The following PARD3B variants were observed in gnomAD, a reference collection of about 807,000 sequenced individuals.
PARD3B encodes the protein par-3 family cell polarity regulator beta, also known as partitioning defective 3 homolog B.
A neutral mutation model predicts 130.2 loss-of-function variants in PARD3B; 103 were observed. That is an observed-to-expected ratio of 0.79 (90% CI 0.67 to 0.93). The LOEUF is 0.93. PARD3B is among the 40% of genes least tolerant of loss of function. The pLI is 0.00. For synonymous variants in PARD3B, 583 were observed against 553.2 expected, an observed-to-expected ratio of 1.05 and a Z score of -0.76; for missense variants, 1,609 against 1,499.2, an observed-to-expected ratio of 1.07 and a Z score of -1.21.
In PARD3B at chr2:205,446,517, C is replaced by G. The variant is rs2047912222; in HGVS notation, c.3044+5845C>G. On this transcript the variant is annotated intron_variant, in intron 20 of 22. Transcript: ENST00000406610. This position sits in a 1 kb window ranked among gnomAD's most constrained non-coding sequence, Gnocchi z 4.4. ...ACATACCCTATTTGTCCATATATCT[C>G]TGTCACATAGGAACAGATCGTGTGT... is the stretch of plus-strand genomic sequence containing the variant. 6.6e-6 allele frequency among the ~76,000 whole-genome samples: 1 copy of G among 152,076 alleles called. No individual in the cohort carries two copies. The highest frequency in any genetic ancestry group is 2.1e-4 in the South Asian group (1 of 4,826).
chr2:204,840,638 G>T (rs1298703714), intron 2 of PARD3B, among the ~76,000 whole-genome samples: 2 of 151,652 alleles, frequency 1.3e-5, no homozygotes, highest in African/African-American at 4.8e-5. Flanking sequence ...ATTGTATATT[G>T]TATGAGGCAA....
At chr2:205,174,826 T>C (rs1351581564) in intron 12 of PARD3B, among the ~76,000 whole-genome samples, 1 of 152,208 alleles carries the variant, frequency 6.6e-6, no homozygotes, top group Non-Finnish European at 1.5e-5. Context: ...GTAAACAGTT[T>C]TGATGAGGAC....
intron 21 of PARD3B, among the ~76,000 whole-genome samples, chr2:205,551,096 G>A (rs908687513): frequency 6.6e-6 from 1 of 151,046 alleles, no homozygotes; most frequent in East Asian, 2.0e-4. Context: ...TGCCAGGACA[G>A]TTCTGGATAA....
In PARD3B at chr2:205,268,569, G is replaced by A. The variant is rs753750031; in HGVS notation, c.2185+22747G>A. Among the ~76,000 whole-genome samples, 2 of 152,148 alleles carry A rather than the reference G, an allele frequency of 1.3e-5. No homozygotes were observed. The highest frequency in any genetic ancestry group is 6.6e-5 in the Admixed American group (1 of 15,262). On this transcript the variant is annotated intron_variant, in intron 16 of 22. Coordinates refer to ENST00000406610, the MANE Select transcript of PARD3B (RefSeq NM_001302769.2). The surrounding 1 kb of genome is among the most constrained non-coding windows in gnomAD (Gnocchi z 4.1). Reference sequence around the variant, plus strand: ...GTAGAAAAATCTGATTTGAAATCAGGTGGAAAGTGCTCTAATGCCACTAGT... The same window carrying A: ...GTAGAAAAATCTGATTTGAAATCAGATGGAAAGTGCTCTAATGCCACTAGT...
At chr2:205,190,383 G>A (rs1440034004) in intron 14 of PARD3B, among the ~76,000 whole-genome samples, 1 of 152,198 alleles carries the variant, frequency 6.6e-6, no homozygotes, top group Non-Finnish European at 1.5e-5. Context: ...CTCCCTGGAG[G>A]CTTTCACTGC....
rs777177736 is a variant in PARD3B, at chr2:205,245,456, C to T, written c.2141-322C>T. Among the ~76,000 whole-genome samples the T allele has an allele frequency of 4.6e-5, 7 of 152,226 alleles. No homozygotes were observed. The East Asian group carries it at 5.8e-4, about 13-fold the overall frequency. ...AAGAATTTTATTATATTGTATACAT[C>T]CCTGGGTCTATGAATTTGGTTTCTC... is the stretch of plus-strand genomic sequence containing the variant. On this transcript the variant is annotated intron_variant, in intron 15 of 22. Coordinates refer to ENST00000406610, the MANE Select transcript of PARD3B (RefSeq NM_001302769.2).
chr2:204,817,376 C>A (rs2043184563), intron 2 of PARD3B, among the ~76,000 whole-genome samples: 1 of 151,800 alleles, frequency 6.6e-6, no homozygotes, highest in Admixed American at 6.6e-5. Flanking sequence ...ACAGTTTAAT[C>A]CTTTTAGACC....
rs532743178 is a variant in PARD3B at position 205,142,781 on chromosome 2, C to T, written c.1435-15941C>T. Among the ~76,000 whole-genome samples the T allele has an allele frequency of 1.8e-4, 28 of 151,846 alleles. No individual in the cohort carries two copies. Among genetic ancestry groups the T allele is most frequent in the Admixed American group, 1.2e-3 (18 of 15,248 alleles). On this transcript the variant is annotated intron_variant, in intron 10 of 22. Transcript: ENST00000406610. This position sits in a 1 kb window ranked among gnomAD's most constrained non-coding sequence, Gnocchi z 4.3. ...TAATCCCAGCTACTCAGGAAGCTGA[C>T]GCAGGAGAATCGTTTGAACCCGGGA... is the stretch of plus-strand genomic sequence containing the variant.
At chr2:205,524,618 CTATCTTT>C (rs1479042117) in intron 21 of PARD3B, among the ~76,000 whole-genome samples, 1 of 152,168 alleles carries the variant, frequency 6.6e-6, no homozygotes, top group Non-Finnish European at 1.5e-5. Context: ...AGAGCACTTT[CTATCTTT>C]TAGATTTTTT....
chr2:204,559,303 G>A (rs924379247), intron 1 of PARD3B, among the ~76,000 whole-genome samples: 15 of 152,036 alleles, frequency 9.9e-5, no homozygotes, highest in Admixed American at 4.6e-4. Context: ...TCTGACAAAG[G>A]GCTAATATCC....
intron 13 of PARD3B, among the ~76,000 whole-genome samples, chr2:205,177,778 T>C (rs2035552967): frequency 6.6e-6 from 1 of 152,186 alleles, no homozygotes; most frequent in South Asian, 2.1e-4. Flanking sequence ...AGATACTGTG[T>C]TGAGCAATTT....
At chr2:204,671,759 C>T (rs2125208646) in intron 1 of PARD3B, among the ~76,000 whole-genome samples, 1 of 152,230 alleles carries the variant, frequency 6.6e-6, no homozygotes, top group South Asian at 2.1e-4. Context: ...TAAAATATTT[C>T]TGTATCTGCA....
At chr2:204,864,559 A>G (rs940377320) in intron 2 of PARD3B, among the ~76,000 whole-genome samples, 4 of 152,220 alleles carry the variant, frequency 2.6e-5, no homozygotes, top group African/African-American at 9.6e-5. Flanking sequence ...CTATTCAAAG[A>G]GTGCTTCTCT....
chr2:204,565,217 A>G (rs2031601573), intron 1 of PARD3B, among the ~76,000 whole-genome samples: 1 of 152,208 alleles, frequency 6.6e-6, no homozygotes, highest in Non-Finnish European at 1.5e-5. Context: ...TCTTAACCCA[A>G]CTGCTTACTT....
intron 18 of PARD3B, among the ~76,000 whole-genome samples, chr2:205,380,768 T>G (rs1196281889): frequency 9.9e-6 from 1 of 101,448 alleles, no homozygotes; most frequent in Non-Finnish European, 1.7e-5. Flanking sequence ...AAAGAATATA[T>G]ATAATATATA....
At chr2:205,379,464 T>C (rs1248194749) in intron 18 of PARD3B, among the ~76,000 whole-genome samples, 1 of 151,926 alleles carries the variant, frequency 6.6e-6, no homozygotes, top group African/African-American at 2.4e-5. Flanking sequence ...TCTAATATTA[T>C]TATATTTGGG....
intron 1 of PARD3B, among the ~76,000 whole-genome samples, chr2:204,636,862 G>C (rs1186792627): frequency 6.6e-6 from 1 of 152,042 alleles, no homozygotes. Flanking sequence ...GTTGACAGTG[G>C]CCTCCTTCCT....
At chr2:204,904,732 A>G (rs920209265) in intron 2 of PARD3B, among the ~76,000 whole-genome samples, 1 of 151,794 alleles carries the variant, frequency 6.6e-6, no homozygotes, top group African/African-American at 2.4e-5. Flanking sequence ...ATAATTTTCC[A>G]TTAAGAGTGG....
At chr2:205,614,383 T>C (rs2055344565) in intron 22 of PARD3B, among the ~76,000 whole-genome samples, 1 of 152,186 alleles carries the variant, frequency 6.6e-6, no homozygotes. Flanking sequence ...CCTGGCTTTG[T>C]GGTAGAGTTG....
Sources: gnomAD v4.1 joint callset for allele counts (sites outside exome capture counted in the v4.1 genomes callset) on GRCh38, gnomAD v4.1.1 for gene constraint, Gnocchi (gnomAD v3.1) non-coding constraint, MANE v1.5 for transcripts, NCBI Gene and HGNC (gene_info 2026-07-23, HGNC 2026-07-21) for gene names.